Variants in PPARGC1A observed in about 807,000 individuals in gnomAD.
The protein encoded by PPARGC1A is peroxisome proliferator-activated receptor gamma coactivator 1-alpha.
In PPARGC1A, 25 loss-of-function variants were observed where a neutral mutation model predicts 88.7. The ratio of observed to expected loss-of-function variants is 0.28; its 90% confidence interval spans 0.21 to 0.39. PPARGC1A has a LOEUF of 0.39. PPARGC1A is among the 10% of genes least tolerant of loss of function. PPARGC1A has a pLI of 1.00. For missense variants in PPARGC1A, 880 were observed against 968.7 expected (o/e 0.91, Z 1.22); for synonymous variants, 363 against 355.6 (o/e 1.02, Z -0.24).
the PPARGC1A span, among the ~76,000 whole-genome samples, chr4:24,273,827 T>C: frequency 6.6e-6 from 1 of 151,068 alleles, no homozygotes; most frequent in African/African-American, 2.4e-5. Flanking sequence ...ACCTTCCAGG[T>C]TGAAGCGATT....
At chr4:24,212,200 G>A in the PPARGC1A span, among the ~76,000 whole-genome samples, 3 of 152,130 alleles carry the variant, frequency 2.0e-5, no homozygotes, top group Non-Finnish European at 4.4e-5. Context: ...TGATCTTCGA[G>A]CACAATCCAT....
the PPARGC1A span, among the ~76,000 whole-genome samples, chr4:24,264,543 T>A: frequency 0.15 from 22,155 of 152,272 alleles, 2,052 homozygotes; most frequent in Middle Eastern, 0.3. Flanking sequence ...CTACCACCTA[T>A]CTCACTAAGT....
the PPARGC1A span, among the ~76,000 whole-genome samples, chr4:24,175,502 G>C: frequency 7.1e-6 from 1 of 140,266 alleles, no homozygotes; most frequent in African/African-American, 2.6e-5. Context: ...AGCCTCCCAA[G>C]TAGCTGGGAT....
intron 2 of PPARGC1A, among the ~76,000 whole-genome samples, chr4:23,850,430 G>A (rs775435828): frequency 6.6e-6 from 1 of 152,184 alleles, no homozygotes; most frequent in Non-Finnish European, 1.5e-5. Flanking sequence ...GGAACTAAAA[G>A]TAAACTCCTG....
the PPARGC1A span, among the ~76,000 whole-genome samples, chr4:24,436,348 G>A: frequency 3.3e-5 from 5 of 152,232 alleles, no homozygotes; most frequent in East Asian, 7.7e-4. Context: ...AATGTGGCTC[G>A]ACACAGCACC....
chr4:24,440,060 C>A, the PPARGC1A span, among the ~76,000 whole-genome samples: 1 of 152,214 alleles, frequency 6.6e-6, no homozygotes, highest in Non-Finnish European at 1.5e-5. Flanking sequence ...AAAAAGAGGT[C>A]TCCTTCTTTT....
chr4:24,168,178 T>C, the PPARGC1A span, among the ~76,000 whole-genome samples: 1 of 152,238 alleles, frequency 6.6e-6, no homozygotes, highest in Non-Finnish European at 1.5e-5. Flanking sequence ...ATTCAGTTAA[T>C]GTGCTTTATC....
the PPARGC1A span, among the ~76,000 whole-genome samples, chr4:24,119,660 G>A: frequency 0.046 from 7,065 of 152,146 alleles, 214 homozygotes; most frequent in African/African-American, 0.086. Context: ...ACGATTGGAG[G>A]ATTTTAATTG....
chr4:24,155,243 G>A, the PPARGC1A span, among the ~76,000 whole-genome samples: 1 of 151,822 alleles, frequency 6.6e-6, no homozygotes, highest in African/African-American at 2.4e-5. Flanking sequence ...AGATGCTTAA[G>A]ATCTTAAGGT....
chr4:24,421,451 C>T, the PPARGC1A span, among the ~76,000 whole-genome samples: 1 of 151,992 alleles, frequency 6.6e-6, no homozygotes. Context: ...GCTGGGACTA[C>T]AGGCGCCCGC....
chr4:24,269,348 CAG>C, the PPARGC1A span, among the ~76,000 whole-genome samples: 2 of 142,358 alleles, frequency 1.4e-5, no homozygotes, highest in African/African-American at 5.3e-5. Context: ...GATAAGGAAT[CAG>C]AGTCATTTAT....
chr4:24,284,129 C>CAAAAA, the PPARGC1A span, among the ~76,000 whole-genome samples: 3 of 117,940 alleles, frequency 2.5e-5, no homozygotes, highest in Admixed American at 2.6e-4. Context: ...CTAAAAATAC[C>CAAAAA]AAAAAAAAAA....
At chr4:24,355,328 AAAAC>A in the PPARGC1A span, among the ~76,000 whole-genome samples, 2 of 152,218 alleles carry the variant, frequency 1.3e-5, no homozygotes, top group African/African-American at 2.4e-5. Flanking sequence ...AAACAAAACA[AAAAC>A]AAACAAACAA....
At chr4:24,381,739 ATTG>A in the PPARGC1A span, among the ~76,000 whole-genome samples, 1 of 152,242 alleles carries the variant, frequency 6.6e-6, no homozygotes, top group East Asian at 1.9e-4. Flanking sequence ...GAATGAATTA[ATTG>A]TTGTCTAGAT....
At chr4:24,445,452 A>T in the PPARGC1A span, among the ~76,000 whole-genome samples, 1 of 152,310 alleles carries the variant, frequency 6.6e-6, no homozygotes, top group Non-Finnish European at 1.5e-5. Context: ...CTGGATTCGT[A>T]TATTTTACAC....
the PPARGC1A span, among the ~76,000 whole-genome samples, chr4:24,175,375 G>GTTTT: frequency 2.6e-5 from 3 of 114,990 alleles, no homozygotes; most frequent in Non-Finnish European, 3.5e-5. Context: ...TCTTTGTTTC[G>GTTTT]TTTTTTTTTT....
the PPARGC1A span, among the ~76,000 whole-genome samples, chr4:24,413,004 G>A: frequency 1.1e-4 from 17 of 152,202 alleles, no homozygotes; most frequent in Admixed American, 1.0e-3. Flanking sequence ...CCTAGGCTTC[G>A]TAATGGTTTT....
At chr4:24,115,703 T>C in the PPARGC1A span, among the ~76,000 whole-genome samples, 4 of 152,152 alleles carry the variant, frequency 2.6e-5, no homozygotes, top group African/African-American at 9.7e-5. Flanking sequence ...ATCAACGACA[T>C]AGCATTTTAA....
rs373926931 is a variant in PPARGC1A, at chr4:23,840,404, G to A, written c.235-8653C>T. The stretch of plus-strand genomic sequence containing the variant: ...CCTCACTACTCCACAAAAATGCCAA[G>A]CATTCTCCTGTCCTCAGGCCTTTGC... On this transcript the variant is annotated intron_variant, in intron 2 of 12. Coordinates refer to ENST00000264867, the MANE Select transcript of PPARGC1A (RefSeq NM_013261.5). 2.6e-4 allele frequency among the ~76,000 whole-genome samples: 39 copies of A among 152,142 alleles called. No homozygotes were observed. In the South Asian group the frequency reaches 8.1e-3, roughly 32 times the overall value.
Sources: gnomAD v4.1 joint callset for allele counts (sites outside exome capture counted in the v4.1 genomes callset) on GRCh38, gnomAD v4.1.1 for gene constraint, MANE v1.5 for transcripts, NCBI Gene and HGNC (gene_info 2026-07-23, HGNC 2026-07-21) for gene names.